Variants in ANKRD10 observed in about 807,000 individuals in gnomAD.
ANKRD10 encodes the protein ankyrin repeat domain 10, also known as ankyrin repeat domain-containing protein 10.
A neutral mutation model predicts 27.0 loss-of-function variants in ANKRD10; 14 were observed. The ratio of observed to expected loss-of-function variants is 0.52; its 90% CI spans 0.34 to 0.81. The LOEUF (loss-of-function observed/expected upper bound fraction) is 0.81, where lower values mean the gene tolerates loss of function less well. Among genes scored for constraint, ANKRD10 ranks in the 40% least tolerant of loss-of-function variants. The pLI is 0.01. For synonymous variants in ANKRD10, 250 were observed against 224.5 expected, an observed-to-expected ratio of 1.11 and a Z score of -1.01; for missense variants, 493 against 544.0, an observed-to-expected ratio of 0.91 and a Z score of 0.93.
At position 110,881,077 on chromosome 13, in the gene ANKRD10, ATTC is replaced by A. The variant is rs1222260779; in HGVS notation, c.788-968_788-966del. ...ACACCAGGACAGGCAATGACAAGTT[ATTC>A]TTCTGTATACTGGAACTTGAGAATC... is the stretch of plus-strand genomic sequence containing the variant. On this transcript the variant is annotated intron_variant, in intron 5 of 5. Coordinates refer to ENST00000267339, the MANE Select transcript of ANKRD10 (RefSeq NM_017664.4). 8.5e-5 allele frequency among the ~76,000 whole-genome samples: 13 copies of A among 152,362 alleles called. 1 individual carries two copies. In the South Asian group the frequency reaches 2.1e-3, roughly 24 times the overall value.
At chr13:110,902,967 C>T (rs879326357) in intron 3 of ANKRD10, among the ~76,000 whole-genome samples, 1 of 152,080 alleles carries the variant, frequency 6.6e-6, no homozygotes. Flanking sequence ...TTCCAAGGCC[C>T]GAATTCTATT....
intron 4 of ANKRD10, among the ~76,000 whole-genome samples, chr13:110,888,946 T>C (rs148019937): frequency 0.012 from 1,856 of 152,306 alleles, 16 homozygotes; most frequent in Admixed American, 0.019. Context: ...AATGTCCCAA[T>C]TGTGAAATTG....
Position 110,908,416 on chromosome 13 carries a change from G to A in ANKRD10, c.363+2202C>T, listed in dbSNP as rs191888591. 1.9e-4 allele frequency among the ~76,000 whole-genome samples: 29 copies of A among 152,244 alleles called. No homozygotes were observed. The East Asian group carries it at 3.9e-3, about 20-fold the overall frequency. On this transcript the variant is annotated intron_variant, in intron 2 of 5. Coordinates refer to ENST00000267339, the MANE Select transcript of ANKRD10 (RefSeq NM_017664.4). ...GAACACAGGCCTCTAGGCAGCATAC[G>A]AGCTTTGGTAATCTCACCTCAGAGA...
At position 110,910,681 on chromosome 13, in the gene ANKRD10, G is replaced by C. The variant is rs1381746115; in HGVS notation, c.300C>G (p.Ala100=). Residue 100 remains alanine, a synonymous_variant, in exon 2 of 6, where the codon GCC becomes GCG. Coordinates refer to ENST00000267339, the MANE Select transcript of ANKRD10 (RefSeq NM_017664.4). ...CCAGGCACTGAGGATGTCCCCCAAA[G>C]GCTGCAATGTGGGCTGGCGTCTGCG... The part of the protein sequence containing the change: ...RYAQTPAHIA[A]FGGHPQCLVW... 1 of 1,614,162 alleles carries C rather than the reference G, an allele frequency of 6.2e-7. No individual in the cohort carries two copies.
Position 110,893,282 on chromosome 13 carries a change from C to T in ANKRD10, c.456-19G>A, listed in dbSNP as rs2065132040. ...TCTCAGGCTGTACAACACAAAAACACTGAATTACACCCCATCCGCGTGCTA... is the reference window on the plus strand; with the variant it reads ...TCTCAGGCTGTACAACACAAAAACATTGAATTACACCCCATCCGCGTGCTA... On this transcript the variant is annotated intron_variant, in intron 3 of 5. Transcript: ENST00000267339. 1.2e-6 allele frequency: 2 copies of T among 1,611,506 alleles called. No individual in the cohort carries two copies. The highest frequency in any genetic ancestry group is 2.2e-5 in the South Asian group (2 of 91,040).
intron 1 of ANKRD10, chr13:110,914,451 G>A (rs1327883420): frequency 6.8e-6 from 2 of 292,642 alleles, no homozygotes; most frequent in Non-Finnish European, 1.2e-5. Flanking sequence ...TTAGAAACTT[G>A]CTACGCGCGC....
chr13:110,912,169 C>T (rs2065733244), intron 1 of ANKRD10, among the ~76,000 whole-genome samples: 2 of 152,242 alleles, frequency 1.3e-5, no homozygotes, highest in South Asian at 4.1e-4. Flanking sequence ...TGCTCATTTT[C>T]CCTCACTCCA....
chr13:110,904,381 T>G (rs894377586), intron 3 of ANKRD10: 5 of 151,274 alleles, frequency 3.3e-5, no homozygotes, highest in Non-Finnish European at 5.9e-5. Context: ...AAGATTCTCA[T>G]TTTTTAAAAG....
At chr13:110,886,645 CCTGTA>C (rs2064937986) in intron 4 of ANKRD10, among the ~76,000 whole-genome samples, 1 of 152,094 alleles carries the variant, frequency 6.6e-6, no homozygotes, top group South Asian at 2.1e-4. Flanking sequence ...TGGATTTGGA[CCTGTA>C]AGACCCTACC....
intron 5 of ANKRD10, among the ~76,000 whole-genome samples, chr13:110,881,925 C>T (rs1261264902): frequency 4.6e-5 from 7 of 152,206 alleles, no homozygotes; most frequent in East Asian, 1.9e-4. Context: ...ACGCACATCA[C>T]GACCTCCAAC....
intron 4 of ANKRD10, among the ~76,000 whole-genome samples, chr13:110,890,434 G>A (rs985190077): frequency 2.0e-5 from 3 of 152,154 alleles, no homozygotes; most frequent in African/African-American, 7.2e-5. Flanking sequence ...GCCCATCTAT[G>A]CTCACACAGA....
chr13:110,913,276 G>C (rs1385063623), intron 1 of ANKRD10, among the ~76,000 whole-genome samples: 1 of 152,200 alleles, frequency 6.6e-6, no homozygotes, highest in Non-Finnish European at 1.5e-5. Context: ...ATAAACCACA[G>C]CAAGAGACAC....
In ANKRD10 at chr13:110,906,080, C is replaced by T; in HGVS notation, c.408G>A (p.Gly136=). The change falls in exon 3 of 6, where the codon GGG becomes GGA. Residue 136 remains glycine (G), a synonymous_variant. Transcript: ENST00000267339. The part of the protein sequence containing the change: ...ETPIHKAARS[G]SLECISALVA... ...CAAGGGCACTGATGCATTCTAGGCT[C>T]CCAGAGCGAGCTGCCTTGTGAATGG... The T allele has an allele frequency of 6.2e-7, 1 of 1,605,022 alleles. No individual in the cohort carries two copies. The highest frequency in any genetic ancestry group is 8.5e-7 in the Non-Finnish European group (1 of 1,175,222).
chr13:110,909,721 G>T (rs1163886228), intron 2 of ANKRD10, among the ~76,000 whole-genome samples: 1 of 152,088 alleles, frequency 6.6e-6, no homozygotes, highest in Non-Finnish European at 1.5e-5. Context: ...TGCTCAGGTG[G>T]GTAGCTGGGT....
At chr13:110,910,484 CATA>C in intron 2 of ANKRD10, 131 bp downstream of exon 2, 1 of 1,171,488 alleles carries the variant, frequency 8.5e-7, no homozygotes. Context: ...ACTGAAGAAA[CATA>C]AATTCCAGTC....
chr13:110,892,919 A>G, intron 4 of ANKRD10, 109 bp downstream of exon 4: 3 of 1,490,346 alleles, frequency 2.0e-6, no homozygotes, highest in Non-Finnish European at 2.7e-6. Context: ...CAGGCGCATT[A>G]CCACCTGAAG....
At position 110,896,200 on chromosome 13, in the gene ANKRD10, T is replaced by TA. The variant is rs1305522070; in HGVS notation, c.456-2938dup. Reference sequence around the variant, plus strand: ...ACACATGGTAACTGGAGGAATTACTTAGAGGAGACTGTAATTTTGCTCTAC... The same window carrying TA: ...ACACATGGTAACTGGAGGAATTACTTAAGAGGAGACTGTAATTTTGCTCTAC... On this transcript the variant is annotated intron_variant, in intron 3 of 5. Coordinates refer to ENST00000267339, the MANE Select transcript of ANKRD10 (RefSeq NM_017664.4). Among the ~76,000 whole-genome samples the TA allele has an allele frequency of 5.3e-5, 8 of 152,316 alleles. No homozygotes were observed. The South Asian group carries it at 1.5e-3, about 28-fold the overall frequency.
At chr13:110,880,137 C>T (rs1373986340) in intron 5 of ANKRD10, 25 bp from the exon 6 acceptor site, 2 of 1,585,570 alleles carry the variant, frequency 1.3e-6, no homozygotes, top group Non-Finnish European at 1.7e-6. Context: ...ACACCTGTCA[C>T]CAAAATTCAG....
chr13:110,892,414 AGC>A, intron 4 of ANKRD10, among the ~76,000 whole-genome samples: 1 of 136,600 alleles, frequency 7.3e-6, no homozygotes, highest in African/African-American at 2.7e-5. Context: ...TGGGTGACAG[AGC>A]AAAAAAAAAA....
Sources: gnomAD v4.1 joint callset for allele counts (sites outside exome capture counted in the v4.1 genomes callset) on GRCh38, gnomAD v4.1.1 for gene constraint, MANE v1.5 for transcripts, NCBI Gene and HGNC (gene_info 2026-07-23, HGNC 2026-07-21) for gene names.